Variants in VPS13A observed in about 807,000 individuals in gnomAD.
The protein encoded by VPS13A is vacuolar protein sorting 13 homolog A.
Under a neutral mutation model 390.9 loss-of-function variants are expected in VPS13A, and 264 were observed. The ratio of observed to expected loss-of-function variants is 0.68; its 90% CI spans 0.61 to 0.75. VPS13A has a LOEUF of 0.75. Ranked by LOEUF, VPS13A falls within the 30% of genes least tolerant of loss-of-function variation. VPS13A has a pLI of 0.00. For missense variants in VPS13A, 3,409 were observed against 3,733.9 expected (o/e 0.91, Z 2.27); for synonymous variants, 1,231 against 1,227.1 (o/e 1.00, Z -0.07).
chr9:77,359,505 T>C, intron 58 of VPS13A, 103 bp downstream of exon 58: 2 of 1,058,794 alleles, frequency 1.9e-6, no homozygotes, highest in Non-Finnish European at 2.8e-6. Flanking sequence ...GATTTAAGCA[T>C]AAAATATTAA....
intron 23 of VPS13A, among the ~76,000 whole-genome samples, chr9:77,272,783 C>T (rs966526875): frequency 6.6e-6 from 1 of 152,108 alleles, no homozygotes; most frequent in South Asian, 2.1e-4. Context: ...TGTTTTATTG[C>T]TTGGCTGGGT....
chr9:77,400,230 T>G (rs1376017386), intron 68 of VPS13A, among the ~76,000 whole-genome samples: 1 of 149,880 alleles, frequency 6.7e-6, no homozygotes, highest in Non-Finnish European at 1.5e-5. Flanking sequence ...CAGATTTTTT[T>G]TTTTTTTTTT....
At position 77,340,305 on chromosome 9, in the gene VPS13A, A is replaced by G. The variant is rs555058042; in HGVS notation, c.6879+23A>G. 7.8e-5 allele frequency: 126 copies of G among 1,607,650 alleles called. 2 individuals are homozygous for G. The South Asian group carries it at 1.3e-3, about 16-fold the overall frequency. On this transcript the variant is annotated intron_variant, in intron 49 of 71. Coordinates refer to ENST00000360280, the MANE Select transcript of VPS13A (RefSeq NM_033305.3). ...CAAGTGAGTTCATTCTATGCTTATC[A>G]AGAAACTTTTATTTTAAATGTTTCT...
chr9:77,290,505 C>G (rs933239850), intron 31 of VPS13A, among the ~76,000 whole-genome samples: 1 of 152,072 alleles, frequency 6.6e-6, no homozygotes, highest in Non-Finnish European at 1.5e-5. Context: ...TCCCCCACCC[C>G]CTGGCTCCCC....
At position 77,345,157 on chromosome 9, in the gene VPS13A, A is replaced by G; in HGVS notation, c.7289+15A>G. Reference sequence around the variant, plus strand: ...TACAATCAAAGGTAAGATTATCACAAATACAGTAACTCTTGATGGTGTAAG... The same window carrying G: ...TACAATCAAAGGTAAGATTATCACAGATACAGTAACTCTTGATGGTGTAAG... On this transcript the variant is annotated intron_variant, in intron 52 of 71. Transcript: ENST00000360280. 1.2e-6 allele frequency: 2 copies of G among 1,611,990 alleles called. No individual in the cohort carries two copies. Among genetic ancestry groups the G allele is most frequent in the Non-Finnish European group, 1.7e-6 (2 of 1,179,202 alleles).
intron 58 of VPS13A, 118 bp downstream of exon 58, chr9:77,359,520 A>G (rs1447248205): frequency 3.0e-6 from 3 of 988,002 alleles, no homozygotes; most frequent in Non-Finnish European, 4.5e-6. Context: ...TATTAATTAT[A>G]AACGTCAAAT....
chr9:77,247,916 C>T (rs1824917293), intron 20 of VPS13A, among the ~76,000 whole-genome samples: 1 of 152,178 alleles, frequency 6.6e-6, no homozygotes. Flanking sequence ...GCATTGGCTT[C>T]CCTAAGTGCT....
rs778231804 is a variant in VPS13A, at chr9:77,219,993, A to G, written c.794A>G (p.Asn265Ser). The change falls in exon 11 of 72, where the codon AAT (asparagine) becomes AGT (serine). Residue 265 changes from asparagine to serine, a missense_variant. By Grantham distance (46) the Asn-to-Ser change is conservative (BLOSUM62 1). Transcript: ENST00000360280. Reference protein sequence around the residue: ...PISANAKLVMNRRSDFDFSAP... With the variant: ...PISANAKLVMSRRSDFDFSAP... ...TCTGCTAATGCCAAACTTGTGATGA[A>G]TCGCCGATCTGATTTTGACTTTTCT... is the stretch of plus-strand genomic sequence containing the variant. The G allele has an allele frequency of 6.2e-7, 1 of 1,613,626 alleles. No individual in the cohort carries two copies. Among genetic ancestry groups the G allele is most frequent in the South Asian group, 1.1e-5 (1 of 91,034 alleles).
At chr9:77,215,534 T>G (rs1822811765) in intron 10 of VPS13A, among the ~76,000 whole-genome samples, 1 of 152,228 alleles carries the variant, frequency 6.6e-6, no homozygotes, top group African/African-American at 2.4e-5. Context: ...GTATCAGAGT[T>G]CAGTGAGGAG....
intron 23 of VPS13A, among the ~76,000 whole-genome samples, chr9:77,270,365 C>G (rs1314305956): frequency 2.6e-5 from 4 of 152,128 alleles, no homozygotes; most frequent in Non-Finnish European, 4.4e-5. Flanking sequence ...TGGCAAAGAT[C>G]TTGGTTAAAT....
At position 77,307,991 on chromosome 9, in the gene VPS13A, A is replaced by T. The variant is rs142058362; in HGVS notation, c.4007A>T (p.His1336Leu). The T allele has an allele frequency of 3.3e-4, 523 of 1,602,988 alleles. 4 individuals carry two copies. In the African/African-American group the frequency reaches 6.4e-3, roughly 19 times the overall value. Reference protein sequence around the residue: ...EDITTIFKTLHGNIWYEKDGS... With the variant: ...EDITTIFKTLLGNIWYEKDGS... The stretch of plus-strand genomic sequence containing the variant: ...ATAACAACTATTTTTAAAACATTGC[A>T]TGGCAATATATGGTATGAAAAAGAT... Residue 1336 changes from histidine to leucine, a missense_variant, in exon 35 of 72, where the codon CAT becomes CTT. By Grantham distance (99) the His-to-Leu change is moderately conservative (BLOSUM62 -3). Transcript: ENST00000360280.
intron 45 of VPS13A, among the ~76,000 whole-genome samples, chr9:77,327,544 G>C (rs190405775): frequency 1.3e-5 from 2 of 151,982 alleles, no homozygotes; most frequent in East Asian, 1.9e-4. Context: ...ATTTTGGTAA[G>C]ATATAGAAAG....
intron 44 of VPS13A, among the ~76,000 whole-genome samples, chr9:77,322,653 C>G (rs909683271): frequency 6.6e-6 from 1 of 151,436 alleles, no homozygotes; most frequent in African/African-American, 2.4e-5. Flanking sequence ...TTTATTTAAT[C>G]AAGTCCAAGA....
chr9:77,220,250 T>G (rs2131176723), intron 11 of VPS13A, 27 bp from the exon 12 acceptor site: 2 of 1,587,898 alleles, frequency 1.3e-6, no homozygotes, highest in South Asian at 2.3e-5. Context: ...GTGATACATT[T>G]AAGAGCTTTA....
intron 22 of VPS13A, among the ~76,000 whole-genome samples, chr9:77,258,433 C>CT (rs1825574026): frequency 6.6e-6 from 1 of 152,156 alleles, no homozygotes; most frequent in Non-Finnish European, 1.5e-5. Flanking sequence ...GACCCACACT[C>CT]TTTTTTGTTG....
At chr9:77,410,884 G>C (rs934975641) in intron 71 of VPS13A, among the ~76,000 whole-genome samples, 2 of 151,848 alleles carry the variant, frequency 1.3e-5, no homozygotes, top group African/African-American at 4.8e-5. Context: ...AGATCAACGA[G>C]ACAAAGTTAA....
At chr9:77,196,303 C>T (rs1487533330) in intron 1 of VPS13A, among the ~76,000 whole-genome samples, 1 of 152,074 alleles carries the variant, frequency 6.6e-6, no homozygotes, top group East Asian at 1.9e-4. Flanking sequence ...TATCCATCAC[C>T]TTATACATTC....
chr9:77,213,464 A>T (rs2131154292), intron 9 of VPS13A, 150 bp downstream of exon 9: 1 of 663,820 alleles, frequency 1.5e-6, no homozygotes, highest in African/African-American at 1.8e-5. Flanking sequence ...GATGTGTGTA[A>T]CTATACACAA....
intron 68 of VPS13A, among the ~76,000 whole-genome samples, chr9:77,398,815 A>T (rs774277257): frequency 2.0e-5 from 3 of 152,096 alleles, no homozygotes; most frequent in African/African-American, 2.4e-5. Context: ...CACTCTAATA[A>T]CAAAGGATAC....
Sources: gnomAD v4.1 joint callset for allele counts (sites outside exome capture counted in the v4.1 genomes callset) on GRCh38, gnomAD v4.1.1 for gene constraint, MANE v1.5 for transcripts, NCBI Gene and HGNC (gene_info 2026-07-23, HGNC 2026-07-21) for gene names.